Variants in PIK3R5 observed in about 807,000 individuals in gnomAD.
PIK3R5 encodes phosphoinositide-3-kinase regulatory subunit 5.
Under a neutral mutation model 94.9 loss-of-function variants are expected in PIK3R5, and 32 were observed. The ratio of observed to expected loss-of-function variants is 0.34; its 90% confidence interval spans 0.25 to 0.45. The LOEUF (loss-of-function observed/expected upper bound fraction) is 0.45, where lower values mean the gene tolerates loss of function less well. Among genes scored for constraint, PIK3R5 ranks in the 20% least tolerant of loss-of-function variants. The pLI is 1.00. For synonymous variants in PIK3R5, 443 were observed against 479.4 expected, an observed-to-expected ratio of 0.92 and a Z score of 0.99; for missense variants, 853 against 1,144.6, an observed-to-expected ratio of 0.75 and a Z score of 3.68.
Position 8,884,853 on chromosome 17 carries a change from G to T in PIK3R5, c.2129-70C>A. The T allele has an allele frequency of 1.5e-6, 2 of 1,302,592 alleles. No individual in the cohort carries two copies. The highest frequency in any genetic ancestry group is 1.1e-6 in the Non-Finnish European group (1 of 907,258). The allele number at this position is 1,302,592 out of a possible 1,614,324, so 80.7% of individuals were successfully genotyped here. On this transcript the variant is annotated intron_variant, in intron 14 of 18. Transcript: ENST00000447110. This position sits in a 1 kb window ranked among gnomAD's most constrained non-coding sequence, Gnocchi z 5.8. ...GGCTCCTCACGAACGCAGTGGCCTT[G>T]CCTCCCTGGGCCTTACCTCCCCATC...
rs113224516 is a variant in PIK3R5, at chr17:8,956,794, T to A, written c.-14+8802A>T. ...AGCTCAACCTGGAGGTGAGATAGGT[T>A]GGCCCCAAGATCTTATCTGGGACAC... On this transcript the variant is annotated intron_variant, in intron 1 of 18. Transcript: ENST00000447110. 1.6e-3 allele frequency among the ~76,000 whole-genome samples: 245 copies of A among 152,292 alleles called. 1 individual carries two copies. Among genetic ancestry groups the A allele is most frequent in the African/African-American group, 5.5e-3 (227 of 41,564 alleles).
intron 6 of PIK3R5, among the ~76,000 whole-genome samples, chr17:8,891,989 CG>C (rs1013202654): frequency 2.0e-5 from 3 of 152,152 alleles, no homozygotes; most frequent in African/African-American, 7.2e-5. Context: ...TAACAACGCA[CG>C]GCTGTTCTCA....
At chr17:8,883,826 G>C (rs2089742998) in intron 15 of PIK3R5, among the ~76,000 whole-genome samples, 1 of 152,158 alleles carries the variant, frequency 6.6e-6, no homozygotes, top group Non-Finnish European at 1.5e-5. Flanking sequence ...TCTGTCCTTT[G>C]TTCACTCTTA....
At chr17:8,961,042 C>G (rs544996284) in intron 1 of PIK3R5, among the ~76,000 whole-genome samples, 1 of 151,962 alleles carries the variant, frequency 6.6e-6, no homozygotes, top group Non-Finnish European at 1.5e-5. Context: ...TGCTATGGTG[C>G]GAAGACATAG....
At position 8,926,822 on chromosome 17, in the gene PIK3R5, T is replaced by C. The variant is rs114849231; in HGVS notation, c.-13-15315A>G. 9.7e-3 allele frequency among the ~76,000 whole-genome samples: 1,471 copies of C among 152,250 alleles called. 24 individuals are homozygous for C. The highest frequency in any genetic ancestry group is 0.033 in the African/African-American group (1,391 of 41,550). On this transcript the variant is annotated intron_variant, in intron 1 of 18. Coordinates refer to ENST00000447110, the MANE Select transcript of PIK3R5 (RefSeq NM_001142633.3). Reference sequence around the variant, plus strand: ...GCTAACAGAAATTATATCTGGGAGGTAAAAATAGGAATAATTTTTATTTTT... The same window carrying C: ...GCTAACAGAAATTATATCTGGGAGGCAAAAATAGGAATAATTTTTATTTTT...
At position 8,880,344 on chromosome 17, in the gene PIK3R5, T is replaced by C. The variant is rs2089623081; in HGVS notation, c.*295A>G. ...CAGATCTTCCTTCTAGAAAGGATCC[T>C]AGACCATGCTAATGGTCAGGGACTT... On this transcript the variant is annotated 3_prime_UTR_variant, in exon 19 of 19. Coordinates refer to ENST00000447110, the MANE Select transcript of PIK3R5 (RefSeq NM_001142633.3). 1.3e-5 allele frequency: 4 copies of C among 304,168 alleles called. No homozygotes were observed. The East Asian group carries it at 2.3e-4, about 17-fold the overall frequency. The allele number at this position is 304,168 out of a possible 1,614,324, so 18.8% of individuals were successfully genotyped here. A position where few individuals can be genotyped will look rare whatever the true frequency, so the allele number is the denominator to read the frequency against.
Position 8,880,712 on chromosome 17 carries a change from G to C in PIK3R5, c.2570C>G (p.Pro857Arg). Residue 857 changes from proline (P) to arginine (R), a missense_variant, in exon 19 of 19, where the codon CCG (proline) becomes CGG (arginine). Coordinates refer to ENST00000447110, the MANE Select transcript of PIK3R5 (RefSeq NM_001142633.3). ...SSPPQTPPDL[P>R]AQAAPDLCSL... Reference sequence around the variant, plus strand: ...GCAGAGATCAGGTGCGGCCTGGGCCGGCAGGTCAGGAGGCGTCTGGGGTGG... The same window carrying C: ...GCAGAGATCAGGTGCGGCCTGGGCCCGCAGGTCAGGAGGCGTCTGGGGTGG... 6.2e-7 allele frequency: 1 copy of C among 1,613,926 alleles called. No homozygotes were observed. The highest frequency in any genetic ancestry group is 8.5e-7 in the Non-Finnish European group (1 of 1,179,910).
Position 8,882,041 on chromosome 17 carries a change from C to G in PIK3R5, c.2206-160G>C. On this transcript the variant is annotated intron_variant, in intron 15 of 18. Coordinates refer to ENST00000447110, the MANE Select transcript of PIK3R5 (RefSeq NM_001142633.3). The surrounding 1 kb of genome is among the most constrained non-coding windows in gnomAD (Gnocchi z 4.1). Reference sequence around the variant, plus strand: ...GGCCCCTGTACCACCCTGGATAGACCTGGATGACTCCAGGGAAGAGCTCAC... The same window carrying G: ...GGCCCCTGTACCACCCTGGATAGACGTGGATGACTCCAGGGAAGAGCTCAC... 1.6e-6 allele frequency: 1 copy of G among 628,006 alleles called. No individual in the cohort carries two copies. Among genetic ancestry groups the G allele is most frequent in the Non-Finnish European group, 2.8e-6 (1 of 351,110 alleles). 38.9% of individuals were successfully genotyped at this position (628,006 alleles called of 1,614,324 possible). A position where few individuals can be genotyped will look rare whatever the true frequency, so the allele number is the denominator to read the frequency against.
intron 1 of PIK3R5, among the ~76,000 whole-genome samples, chr17:8,912,185 T>C (rs955219660): frequency 6.6e-6 from 1 of 152,156 alleles, no homozygotes; most frequent in African/African-American, 2.4e-5. Context: ...GGAAAGTCAC[T>C]GAAGAGGGAA....
At chr17:8,898,454 C>T (rs776446223) in intron 5 of PIK3R5, among the ~76,000 whole-genome samples, 13 of 152,228 alleles carry the variant, frequency 8.5e-5, no homozygotes, top group Non-Finnish European at 1.6e-4. Flanking sequence ...GGTAGAAACA[C>T]AGCTTTATGC....
At position 8,890,571 on chromosome 17, in the gene PIK3R5, A is replaced by G. The variant is rs1268879395; in HGVS notation, c.657+167T>C. On this transcript the variant is annotated intron_variant, in intron 7 of 18. Coordinates refer to ENST00000447110, the MANE Select transcript of PIK3R5 (RefSeq NM_001142633.3). This position sits in a 1 kb window ranked among gnomAD's most constrained non-coding sequence, Gnocchi z 6.1. Reference sequence around the variant, plus strand: ...CACCCAGCTGGTTAGGATCCAGCACACCAGAAACACCCTCTATGAGGTCAG... The same window carrying G: ...CACCCAGCTGGTTAGGATCCAGCACGCCAGAAACACCCTCTATGAGGTCAG... 1.3e-5 allele frequency among the ~76,000 whole-genome samples: 2 copies of G among 152,218 alleles called. No homozygotes were observed. The highest frequency in any genetic ancestry group is 3.9e-4 in the East Asian group (2 of 5,194).
rs1405916281 is a variant in PIK3R5, at chr17:8,955,547, T to A, written c.-14+10049A>T. Among the ~76,000 whole-genome samples, 1 of 152,030 alleles carries A rather than the reference T, an allele frequency of 6.6e-6. No individual in the cohort carries two copies. The highest frequency in any genetic ancestry group is 1.9e-4 in the East Asian group (1 of 5,178). ...GTGCCATCAAAGTATCTGAACACAG[T>A]GACATAGAAGTTTTCATAAGAAGAA... On this transcript the variant is annotated intron_variant, in intron 1 of 18. Transcript: ENST00000447110. This position sits in a 1 kb window ranked among gnomAD's most constrained non-coding sequence, Gnocchi z 4.4.
At chr17:8,961,150 G>A (rs2091556426) in intron 1 of PIK3R5, among the ~76,000 whole-genome samples, 1 of 152,288 alleles carries the variant, frequency 6.6e-6, no homozygotes, top group East Asian at 1.9e-4. Context: ...GGGCTTCTAG[G>A]AGGAACTGGC....
intron 1 of PIK3R5, among the ~76,000 whole-genome samples, chr17:8,941,994 G>A (rs1162135834): frequency 2.6e-5 from 4 of 152,212 alleles, no homozygotes; most frequent in Non-Finnish European, 4.4e-5. Context: ...TTAGATGGGC[G>A]TGGGGGCTTC....
Position 8,893,257 on chromosome 17 carries a change from G to A in PIK3R5, c.482+329C>T, listed in dbSNP as rs1484374991. ...TACCCTTGCTCGCTGTGTGACCTTG[G>A]GGAAGTTGCTTGACCTCTCTGACCT... On this transcript the variant is annotated intron_variant, in intron 6 of 18. Transcript: ENST00000447110. This position sits in a 1 kb window ranked among gnomAD's most constrained non-coding sequence, Gnocchi z 5.1. Among the ~76,000 whole-genome samples, 1 of 152,116 alleles carries A rather than the reference G, an allele frequency of 6.6e-6. No individual in the cohort carries two copies. Among genetic ancestry groups the A allele is most frequent in the Non-Finnish European group, 1.5e-5 (1 of 68,022 alleles).
Position 8,888,395 on chromosome 17 carries a change from G to A in PIK3R5, c.1392C>T (p.Asp464=), listed in dbSNP as rs754693551. The part of the protein sequence containing the change: ...RRAGSLCSPL[D]EPVSPPSRAQ... The stretch of plus-strand genomic sequence containing the variant: ...CCCGGGAAGGGGGTGATACTGGTTC[G>A]TCCAGGGGGCTGCAGAGGCTCCCTG... The change falls in exon 10 of 19, where the codon GAC becomes GAT. Residue 464 remains aspartate, a synonymous_variant. Coordinates refer to ENST00000447110, the MANE Select transcript of PIK3R5 (RefSeq NM_001142633.3). The surrounding 1 kb of genome is among the most constrained non-coding windows in gnomAD (Gnocchi z 7.8). The A allele has an allele frequency of 3.4e-5, 54 of 1,594,852 alleles. 1 individual carries two copies. The highest frequency in any genetic ancestry group is 4.0e-5 in the Non-Finnish European group (47 of 1,173,362).
chr17:8,935,266 G>A lies in PIK3R5; in HGVS notation c.-13-23759C>T, dbSNP rs1190857846. ...CCCCAGTGCCTGGCACAGGGTCTGG[G>A]CAGATTCTCCCTGGAAAGTTACATG... is the stretch of plus-strand genomic sequence containing the variant. On this transcript the variant is annotated intron_variant, in intron 1 of 18. Coordinates refer to ENST00000447110, the MANE Select transcript of PIK3R5 (RefSeq NM_001142633.3). The surrounding 1 kb of genome is among the most constrained non-coding windows in gnomAD (Gnocchi z 4.5). Among the ~76,000 whole-genome samples, 1 of 152,168 alleles carries A rather than the reference G, an allele frequency of 6.6e-6. No homozygotes were observed. Among genetic ancestry groups the A allele is most frequent in the Non-Finnish European group, 1.5e-5 (1 of 68,028 alleles).
intron 1 of PIK3R5, among the ~76,000 whole-genome samples, chr17:8,932,945 G>A (rs919296374): frequency 3.3e-5 from 5 of 152,102 alleles, no homozygotes; most frequent in Non-Finnish European, 7.4e-5. Flanking sequence ...GTATATCATA[G>A]TTAATTGCTG....
intron 12 of PIK3R5, 149 bp downstream of exon 12, chr17:8,886,947 G>T: frequency 3.3e-6 from 3 of 922,408 alleles, no homozygotes; most frequent in Non-Finnish European, 4.8e-6. Flanking sequence ...GCTCAGTCCT[G>T]CTTCTCACCC....
Sources: gnomAD v4.1 joint callset for allele counts (sites outside exome capture counted in the v4.1 genomes callset) on GRCh38, gnomAD v4.1.1 for gene constraint, Gnocchi (gnomAD v3.1) non-coding constraint, MANE v1.5 for transcripts, NCBI Gene and HGNC (gene_info 2026-07-23, HGNC 2026-07-21) for gene names.